Variants in ANK3 observed in about 807,000 individuals in gnomAD.
ANK3 encodes ankyrin-3.
A neutral mutation model predicts 370.9 loss-of-function variants in ANK3; 57 were observed. The ratio of observed to expected loss-of-function variants is 0.15; its 90% CI spans 0.12 to 0.19. The LOEUF (loss-of-function observed/expected upper bound fraction) is 0.19, where lower values mean the gene tolerates loss of function less well. Ranked by LOEUF, ANK3 falls within the 10% of genes least tolerant of loss-of-function variation. ANK3 has a pLI of 1.00. For missense variants in ANK3, 4,439 were observed against 5,302.1 expected (o/e 0.84, Z 5.06); for synonymous variants, 1,929 against 1,946.3 (o/e 0.99, Z 0.23).
intron 2 of ANK3, among the ~76,000 whole-genome samples, chr10:60,587,912 A>G (rs2077854734): frequency 2.0e-5 from 3 of 152,082 alleles, no homozygotes; most frequent in South Asian, 2.1e-4. Context: ...TTGTGATCCT[A>G]ATGAAATGAT....
intron 2 of ANK3, among the ~76,000 whole-genome samples, chr10:60,503,646 C>G (rs1179106394): frequency 6.6e-6 from 1 of 152,106 alleles, no homozygotes; most frequent in Admixed American, 6.5e-5. Context: ...GACCACAGAG[C>G]CTGGGATAGG....
At position 60,074,868 on chromosome 10, in the gene ANK3, C is replaced by T; in HGVS notation, c.6013G>A (p.Ala2005Thr). ...GGCAGAGATGGAGACTGGCTCGCAGCAGCTTGTTGTCTGGCTTCCCGGATT... is the reference window on the plus strand; with the variant it reads ...GGCAGAGATGGAGACTGGCTCGCAGTAGCTTGTTGTCTGGCTTCCCGGATT... The part of the protein sequence containing the change: ...EEIREARQQA[A>T]ASQSPSLPER... The change falls in exon 37 of 44, where the codon GCT (alanine) becomes ACT (threonine). Residue 2005 changes from alanine (A) to threonine (T), a missense_variant. Around this residue, in one of 13 missense-constraint regions of ANK3, gnomAD observed 679 missense variants for 791.0 expected, o/e 0.86. Coordinates refer to ENST00000280772, the MANE Select transcript of ANK3 (RefSeq NM_020987.5). The T allele has an allele frequency of 6.2e-7, 1 of 1,613,672 alleles. No homozygotes were observed. Among genetic ancestry groups the T allele is most frequent in the Non-Finnish European group, 8.5e-7 (1 of 1,179,896 alleles).
intron 1 of ANK3, among the ~76,000 whole-genome samples, chr10:60,674,309 C>T (rs932743899): frequency 6.6e-6 from 1 of 152,040 alleles, no homozygotes; most frequent in Non-Finnish European, 1.5e-5. Flanking sequence ...TTATTTGGCT[C>T]ATGGTTCTGC....
chr10:60,684,925 T>A, intron 1 of ANK3: 1 of 1,505,240 alleles, frequency 6.6e-7, no homozygotes, highest in Non-Finnish European at 9.2e-7. Flanking sequence ...CTTGGAGAAC[T>A]CATTATCTCT....
intron 1 of ANK3, among the ~76,000 whole-genome samples, chr10:60,295,657 A>G (rs1317381784): frequency 6.6e-6 from 1 of 152,094 alleles, no homozygotes; most frequent in African/African-American, 2.4e-5. Context: ...TACTCAAGGT[A>G]CCTTTATACT....
intron 1 of ANK3, among the ~76,000 whole-genome samples, chr10:60,623,516 T>A (rs2078367376): frequency 6.6e-6 from 1 of 152,100 alleles, no homozygotes. Flanking sequence ...ATTTTGTTAG[T>A]TTATGGGGCC....
intron 1 of ANK3, among the ~76,000 whole-genome samples, chr10:60,727,123 A>T (rs909209686): frequency 1.3e-5 from 2 of 152,112 alleles, no homozygotes; most frequent in East Asian, 3.9e-4. Flanking sequence ...AAGCACTTAC[A>T]TACCCCCGCC....
intron 1 of ANK3, among the ~76,000 whole-genome samples, chr10:60,666,659 C>T (rs1414767476): frequency 2.0e-5 from 3 of 152,076 alleles, no homozygotes; most frequent in Non-Finnish European, 4.4e-5. Context: ...AAGAGGTGTG[C>T]ATATATTACC....
chr10:60,139,481 T>C (rs1387796894), intron 23 of ANK3: 10 of 166,620 alleles, frequency 6.0e-5, no homozygotes, highest in Non-Finnish European at 1.0e-4. Context: ...GAACCACCTC[T>C]TCATTACTGT....
intron 7 of ANK3, among the ~76,000 whole-genome samples, chr10:60,238,132 G>C (rs1421916148): frequency 1.3e-5 from 2 of 152,106 alleles, no homozygotes; most frequent in Admixed American, 6.5e-5. Context: ...AATGAAAGTG[G>C]TACCTCAGGG....
rs753648576 is a variant in ANK3 at position 60,074,844 on chromosome 10, G to A, written c.6037C>T (p.Pro2013Ser). The change falls in exon 37 of 44, where the codon CCA (proline) becomes TCA (serine). Residue 2013 changes from proline (P) to serine (S), a missense_variant. Around this residue, in one of 13 missense-constraint regions of ANK3, gnomAD observed 679 missense variants for 791.0 expected, o/e 0.86. Transcript: ENST00000280772. ...QAAASQSPSL[P>S]ERVQVKAKAA... ...TTTGCTTTTACTTGCACTCTCTCTG[G>A]CAGAGATGGAGACTGGCTCGCAGCA... 1.2e-6 allele frequency: 2 copies of A among 1,613,610 alleles called. No homozygotes were observed. The highest frequency in any genetic ancestry group is 3.3e-5 in the Admixed American group (2 of 59,932).
At chr10:60,091,816 T>C (rs1405743975) in intron 28 of ANK3, among the ~76,000 whole-genome samples, 2 of 151,830 alleles carry the variant, frequency 1.3e-5, no homozygotes, top group East Asian at 1.9e-4. Flanking sequence ...CTGCAAGCTC[T>C]GCCTCCCGGG....
intron 2 of ANK3, among the ~76,000 whole-genome samples, chr10:60,557,958 C>T (rs1200063637): frequency 6.6e-6 from 1 of 152,032 alleles, no homozygotes; most frequent in African/African-American, 2.4e-5. Flanking sequence ...GATAAAAATA[C>T]AAAAACTAGA....
intron 2 of ANK3, among the ~76,000 whole-genome samples, chr10:60,396,775 T>A (rs1456027003): frequency 6.6e-6 from 1 of 152,190 alleles, no homozygotes; most frequent in East Asian, 1.9e-4. Context: ...GCAAAATAGC[T>A]CTTACGCCAA....
At chr10:60,381,786 C>T (rs78719048) in intron 1 of ANK3, among the ~76,000 whole-genome samples, 1 of 151,998 alleles carries the variant, frequency 6.6e-6, no homozygotes, top group Admixed American at 6.6e-5. Flanking sequence ...AAAATAGTAT[C>T]CCTATTTGAT....
chr10:60,342,161 T>C lies in ANK3; in HGVS notation c.114+47264A>G, dbSNP rs528602224. On this transcript the variant is annotated intron_variant, in intron 1 of 43. Transcript: ENST00000280772. The stretch of plus-strand genomic sequence containing the variant: ...TATGACAAAACCTTTGTCCTCAGGA[T>C]GGTATATTTTATCTTGAGAAGCATG... Among the ~76,000 whole-genome samples, 20 of 152,282 alleles carry C rather than the reference T, an allele frequency of 1.3e-4. No homozygotes were observed. The East Asian group carries it at 2.7e-3, about 21-fold the overall frequency.
chr10:60,226,026 ATATATAT>A (rs1490393197), intron 8 of ANK3, among the ~76,000 whole-genome samples: 2 of 144,108 alleles, frequency 1.4e-5, no homozygotes, highest in East Asian at 4.0e-4. Context: ...ATTGTATATC[ATATATAT>A]TATATATAAT....
chr10:60,140,538 TGAG>T (rs1411104563), intron 23 of ANK3: 1 of 1,438,374 alleles, frequency 7.0e-7, no homozygotes, highest in East Asian at 2.6e-5. Context: ...CGTAGGCAAT[TGAG>T]GAATTATACA....
At chr10:60,720,024 G>A (rs554585559) in intron 1 of ANK3, among the ~76,000 whole-genome samples, 13 of 152,244 alleles carry the variant, frequency 8.5e-5, no homozygotes, top group African/African-American at 3.1e-4. Flanking sequence ...GAAAAATGTT[G>A]AACGAATTCC....
Sources: gnomAD v4.1 joint callset for allele counts (sites outside exome capture counted in the v4.1 genomes callset) on GRCh38, gnomAD v4.1.1 for gene constraint, gnomAD v4.1.1 regional missense constraint, MANE v1.5 for transcripts, NCBI Gene and HGNC (gene_info 2026-07-23, HGNC 2026-07-21) for gene names.